ZDHHC14: variants seen among roughly 807,000 people sequenced by gnomAD.
ZDHHC14 encodes palmitoyltransferase ZDHHC14.
A neutral mutation model predicts 47.7 loss-of-function variants in ZDHHC14; 16 were observed. The observed-to-expected ratio is 0.34, with a 90% CI of 0.23 to 0.51. ZDHHC14 has a LOEUF of 0.51. Ranked by LOEUF, ZDHHC14 falls within the 20% of genes least tolerant of loss-of-function variation. The probability of loss-of-function intolerance (pLI) is 0.97; values close to 1 mark genes in which losing one functional copy is unlikely to be tolerated. For missense variants in ZDHHC14, 515 were observed against 662.5 expected, an observed-to-expected ratio of 0.78 and a Z score of 2.44; for synonymous variants, 293 against 278.9, an observed-to-expected ratio of 1.05 and a Z score of -0.50.
chr6:157,456,341 C>T (rs1562432537), intron 1 of ZDHHC14, among the ~76,000 whole-genome samples: 1 of 152,200 alleles, frequency 6.6e-6, no homozygotes, highest in East Asian at 1.9e-4. Flanking sequence ...ATCCACTTGG[C>T]CCTCTCCTCG....
chr6:157,418,454 G>A (rs759626547), intron 1 of ZDHHC14, among the ~76,000 whole-genome samples: 2 of 152,222 alleles, frequency 1.3e-5, no homozygotes, highest in Non-Finnish European at 2.9e-5. Context: ...TTGCTTTCTA[G>A]AGGATGTATG....
chr6:157,628,314 T>G, intron 3 of ZDHHC14, 35 bp from the exon 4 acceptor site: 1 of 1,567,992 alleles, frequency 6.4e-7, no homozygotes, highest in Non-Finnish European at 8.5e-7. Context: ...ATTAATTGAT[T>G]TCCACTTTTT....
rs1777204329 is a variant in ZDHHC14 at position 157,381,315 on chromosome 6, C to T, written c.-707C>T. 1 of 151,446 alleles carries T rather than the reference C, an allele frequency of 6.6e-6. No individual in the cohort carries two copies. Among genetic ancestry groups the T allele is most frequent in the East Asian group, 2.0e-4 (1 of 5,088 alleles). 9.4% of individuals were successfully genotyped at this position (151,446 alleles called of 1,614,324 possible). On this transcript the variant is annotated 5_prime_UTR_variant, in exon 1 of 9. Coordinates refer to ENST00000359775, the MANE Select transcript of ZDHHC14 (RefSeq NM_024630.3). ...GCCCGCGAGCCGCCGCCGCCCTCGG[C>T]CCGCGCATCCCCGCGCGGGGGCCGC...
At chr6:157,635,436 T>C (rs1776925131) in intron 5 of ZDHHC14, among the ~76,000 whole-genome samples, 1 of 152,338 alleles carries the variant, frequency 6.6e-6, no homozygotes, top group Non-Finnish European at 1.5e-5. Context: ...TCCATGGCAA[T>C]TAATTATGAG....
chr6:157,435,788 C>A (rs530484730), intron 1 of ZDHHC14, among the ~76,000 whole-genome samples: 15 of 152,316 alleles, frequency 9.8e-5, no homozygotes, highest in Non-Finnish European at 2.1e-4. Flanking sequence ...GATCCTCCCA[C>A]CTTGGCCTCC....
intron 8 of ZDHHC14, among the ~76,000 whole-genome samples, chr6:157,661,287 A>G (rs1199311052): frequency 6.6e-6 from 1 of 152,218 alleles, no homozygotes; most frequent in South Asian, 2.1e-4. Context: ...AGTCACTTGG[A>G]AACAGTGGAG....
intron 1 of ZDHHC14, among the ~76,000 whole-genome samples, chr6:157,530,185 A>T (rs956765314): frequency 7.2e-5 from 11 of 152,252 alleles, no homozygotes; most frequent in Non-Finnish European, 1.5e-4. Flanking sequence ...AAAAAGAAAA[A>T]AGAAAATGAT....
chr6:157,449,184 G>C (rs1466242200), intron 1 of ZDHHC14, among the ~76,000 whole-genome samples: 1 of 152,174 alleles, frequency 6.6e-6, no homozygotes, highest in Non-Finnish European at 1.5e-5. Context: ...GTGGAGTTAA[G>C]TTGGTAAAGA....
chr6:157,565,808 A>C (rs555751222), intron 2 of ZDHHC14, among the ~76,000 whole-genome samples: 1 of 151,726 alleles, frequency 6.6e-6, no homozygotes, highest in African/African-American at 2.4e-5. Flanking sequence ...CGTCTCCAAA[A>C]AAAAAAAAAA....
At chr6:157,656,259 A>G (rs937252724) in intron 8 of ZDHHC14, among the ~76,000 whole-genome samples, 4 of 152,172 alleles carry the variant, frequency 2.6e-5, no homozygotes, top group Non-Finnish European at 5.9e-5. Flanking sequence ...AGGACACTGC[A>G]AAGGTTAAGA....
chr6:157,418,979 C>A (rs984846843), intron 1 of ZDHHC14, among the ~76,000 whole-genome samples: 2 of 152,116 alleles, frequency 1.3e-5, no homozygotes, highest in African/African-American at 4.8e-5. Flanking sequence ...CTATAAGATG[C>A]TAGGAGGTCA....
chr6:157,469,926 A>C (rs1319083958), intron 1 of ZDHHC14, among the ~76,000 whole-genome samples: 2 of 152,166 alleles, frequency 1.3e-5, no homozygotes, highest in African/African-American at 4.8e-5. Flanking sequence ...GTGGATTACC[A>C]CAGGGAGGGC....
At chr6:157,600,984 C>T (rs1054210813) in intron 3 of ZDHHC14, among the ~76,000 whole-genome samples, 3 of 152,192 alleles carry the variant, frequency 2.0e-5, no homozygotes, top group Admixed American at 6.5e-5. Context: ...GCCTGGGTGC[C>T]GTTTCGGAGC....
At chr6:157,672,624 ACCC>A in intron 8 of ZDHHC14, 97 bp from the exon 9 acceptor site, 4 of 273,140 alleles carry the variant, frequency 1.5e-5, no homozygotes, top group South Asian at 3.4e-5. Flanking sequence ...CTCTTCTCGC[ACCC>A]CACCCTCCCC....
chr6:157,599,913 C>T (rs560865917), intron 3 of ZDHHC14, among the ~76,000 whole-genome samples: 4 of 152,220 alleles, frequency 2.6e-5, no homozygotes, highest in East Asian at 1.9e-4. Context: ...ATTATTTTGC[C>T]GTTGTGTTAA....
At chr6:157,532,702 G>A (rs1554263889) in intron 1 of ZDHHC14, among the ~76,000 whole-genome samples, 1 of 152,170 alleles carries the variant, frequency 6.6e-6, no homozygotes, top group Non-Finnish European at 1.5e-5. Context: ...GATAACCTGG[G>A]TTTTGCCTTC....
At chr6:157,574,013 C>T (rs1415864445) in intron 2 of ZDHHC14, among the ~76,000 whole-genome samples, 1 of 152,002 alleles carries the variant, frequency 6.6e-6, no homozygotes, top group African/African-American at 2.4e-5. Flanking sequence ...TGTGCTAATG[C>T]TCACATCAGC....
At chr6:157,451,360 C>T (rs954611467) in intron 1 of ZDHHC14, among the ~76,000 whole-genome samples, 5 of 152,138 alleles carry the variant, frequency 3.3e-5, no homozygotes, top group Non-Finnish European at 4.4e-5. Context: ...TATACCTGAT[C>T]CTTAACATTA....
At chr6:157,606,637 C>A (rs1784549571) in intron 3 of ZDHHC14, among the ~76,000 whole-genome samples, 1 of 152,156 alleles carries the variant, frequency 6.6e-6, no homozygotes, top group African/African-American at 2.4e-5. Flanking sequence ...GGTGGGTGAT[C>A]AGTTGCTGTG....
Sources: gnomAD v4.1 joint callset for allele counts (sites outside exome capture counted in the v4.1 genomes callset) on GRCh38, gnomAD v4.1.1 for gene constraint, MANE v1.5 for transcripts, NCBI Gene and HGNC (gene_info 2026-07-23, HGNC 2026-07-21) for gene names.